Variants in CADPS2 observed in about 807,000 individuals in gnomAD.
CADPS2 encodes calcium dependent secretion activator 2.
CADPS2 carries 93 observed loss-of-function variants against 172.5 expected under a neutral mutation model. The observed-to-expected ratio is 0.54, with a 90% CI of 0.46 to 0.64. The LOEUF (loss-of-function observed/expected upper bound fraction) is 0.64, where lower values mean the gene tolerates loss of function less well. Among genes scored for constraint, CADPS2 ranks in the 30% least tolerant of loss-of-function variants. The pLI is 0.00. For missense variants in CADPS2, 1,420 were observed against 1,565.9 expected (o/e 0.91, Z 1.57); for synonymous variants, 546 against 555.2 (o/e 0.98, Z 0.23).
At chr7:122,507,684 T>C (rs987599224) in intron 9 of CADPS2, among the ~76,000 whole-genome samples, 2 of 152,198 alleles carry the variant, frequency 1.3e-5, no homozygotes. Context: ...TTAAATAGAT[T>C]ATCCCACAAT....
At chr7:122,392,848 A>T (rs2044556872) in intron 22 of CADPS2, among the ~76,000 whole-genome samples, 1 of 152,188 alleles carries the variant, frequency 6.6e-6, no homozygotes, top group South Asian at 2.1e-4. Flanking sequence ...GCTGGAGCTA[A>T]GAATCCTCAA....
At chr7:122,624,199 C>T (rs924262824) in intron 4 of CADPS2, among the ~76,000 whole-genome samples, 1 of 152,122 alleles carries the variant, frequency 6.6e-6, no homozygotes, top group Non-Finnish European at 1.5e-5. Context: ...GACAAATGTA[C>T]ATTTTAAATT....
At chr7:122,346,774 T>C (rs2037727902) in intron 27 of CADPS2, among the ~76,000 whole-genome samples, 1 of 152,190 alleles carries the variant, frequency 6.6e-6, no homozygotes, top group South Asian at 2.1e-4. Context: ...TCAGTACTAG[T>C]AAGGGATAGA....
At chr7:122,707,661 T>C (rs971477265) in intron 2 of CADPS2, among the ~76,000 whole-genome samples, 7 of 151,822 alleles carry the variant, frequency 4.6e-5, no homozygotes, top group Non-Finnish European at 1.0e-4. Flanking sequence ...AGAAATTAAA[T>C]GAATCATAAC....
At chr7:122,765,592 G>A (rs2093523373) in intron 1 of CADPS2, among the ~76,000 whole-genome samples, 1 of 152,004 alleles carries the variant, frequency 6.6e-6, no homozygotes, top group Non-Finnish European at 1.5e-5. Context: ...AACTATAATA[G>A]TTATCTAGCT....
intron 1 of CADPS2, among the ~76,000 whole-genome samples, chr7:122,840,360 A>G (rs1353650618): frequency 2.0e-5 from 3 of 152,068 alleles, no homozygotes. Context: ...GCACACCAAC[A>G]TGGCACATGT....
chr7:122,843,978 C>T (rs896964882), intron 1 of CADPS2, among the ~76,000 whole-genome samples: 2 of 152,192 alleles, frequency 1.3e-5, no homozygotes, highest in African/African-American at 4.8e-5. Context: ...TGAAAGGAAA[C>T]TGGGATAACC....
chr7:122,609,580 A>G (rs1377064581), intron 6 of CADPS2, among the ~76,000 whole-genome samples: 5 of 152,184 alleles, frequency 3.3e-5, no homozygotes, highest in Admixed American at 1.3e-4. Context: ...CACAAATTAC[A>G]TTGCCTCACC....
chr7:122,752,955 G>A (rs2093011101), intron 1 of CADPS2, among the ~76,000 whole-genome samples: 2 of 152,148 alleles, frequency 1.3e-5, no homozygotes, highest in African/African-American at 4.8e-5. Context: ...GAAGAAGATG[G>A]AGAATAAATG....
At chr7:122,366,577 C>T (rs1473007596) in intron 25 of CADPS2, among the ~76,000 whole-genome samples, 2 of 149,394 alleles carry the variant, frequency 1.3e-5, no homozygotes, top group African/African-American at 4.9e-5. Flanking sequence ...TGCACTCCAG[C>T]CCAGGCAACA....
At chr7:122,880,055 T>G (rs1822462226) in intron 1 of CADPS2, among the ~76,000 whole-genome samples, 1 of 152,194 alleles carries the variant, frequency 6.6e-6, no homozygotes, top group African/African-American at 2.4e-5. Flanking sequence ...GTTTACTTTT[T>G]GGAAAACCTG....
intron 29 of CADPS2, among the ~76,000 whole-genome samples, chr7:122,321,788 T>C (rs2150679400): frequency 6.6e-6 from 1 of 152,370 alleles, no homozygotes; most frequent in Admixed American, 6.5e-5. Flanking sequence ...CCATGTTCAC[T>C]TTTTAAAGTG....
intron 9 of CADPS2, among the ~76,000 whole-genome samples, chr7:122,501,779 G>A (rs2059220834): frequency 6.6e-6 from 1 of 150,648 alleles, no homozygotes. Context: ...GGAGGCTGAG[G>A]CAGGAGAATC....
chr7:122,545,016 G>A (rs1195389086), intron 8 of CADPS2, among the ~76,000 whole-genome samples: 1 of 152,256 alleles, frequency 6.6e-6, no homozygotes, highest in East Asian at 1.9e-4. Flanking sequence ...GTAGGCTGTG[G>A]TAAAAAGTAA....
At chr7:122,802,412 C>T (rs375615861) in intron 1 of CADPS2, among the ~76,000 whole-genome samples, 3 of 152,186 alleles carry the variant, frequency 2.0e-5, no homozygotes, top group African/African-American at 4.8e-5. Flanking sequence ...CTCCACTCTT[C>T]GGTAATCGCT....
intron 3 of CADPS2, among the ~76,000 whole-genome samples, chr7:122,634,555 T>C (rs542598412): frequency 2.6e-5 from 4 of 152,308 alleles, no homozygotes; most frequent in African/African-American, 9.6e-5. Context: ...CTTGTACGTA[T>C]CCTTCTTTGT....
intron 1 of CADPS2, among the ~76,000 whole-genome samples, chr7:122,854,748 T>C (rs766341845): frequency 3.9e-5 from 6 of 152,194 alleles, no homozygotes; most frequent in African/African-American, 1.4e-4. Flanking sequence ...CAAAAGGTGA[T>C]AGTCTTCCAA....
At chr7:122,828,030 G>A (rs969378202) in intron 1 of CADPS2, among the ~76,000 whole-genome samples, 1 of 152,124 alleles carries the variant, frequency 6.6e-6, no homozygotes, top group Non-Finnish European at 1.5e-5. Context: ...GCCAATAACT[G>A]TGGATGTCTG....
chr7:122,835,013 G>T (rs1322643133), intron 1 of CADPS2, among the ~76,000 whole-genome samples: 2 of 152,294 alleles, frequency 1.3e-5, no homozygotes, highest in East Asian at 1.9e-4. Context: ...CGCCCGAGTA[G>T]CCTAATGGGG....
Sources: allele counts gnomAD v4.1 joint callset (sites outside exome capture counted in the v4.1 genomes callset), GRCh38; gene constraint gnomAD v4.1.1; transcripts MANE v1.5; gene names NCBI Gene and HGNC (gene_info 2026-07-23, HGNC 2026-07-21).